The following NXPH1 variants were observed in gnomAD, a reference collection of about 807,000 sequenced individuals.
The protein encoded by NXPH1 is neurexophilin 1, also known as neurexophilin-1.
Under a neutral mutation model 23.7 loss-of-function variants are expected in NXPH1, and 5 were observed. That is an observed-to-expected ratio of 0.21 (90% CI 0.11 to 0.44). The LOEUF (loss-of-function observed/expected upper bound fraction) is 0.44. Ranked by LOEUF, NXPH1 falls within the 20% of genes least tolerant of loss-of-function variation. The probability of loss-of-function intolerance (pLI) is 0.99; values close to 1 mark genes in which losing one functional copy is unlikely to be tolerated. For missense variants in NXPH1, 324 were observed against 321.6 expected, an observed-to-expected ratio of 1.01 and a Z score of -0.06; for synonymous variants, 144 against 122.2, an observed-to-expected ratio of 1.18 and a Z score of -1.18.
At chr7:8,647,390 A>C (rs1261795222) in intron 2 of NXPH1, among the ~76,000 whole-genome samples, 1 of 152,202 alleles carries the variant, frequency 6.6e-6, no homozygotes, top group Non-Finnish European at 1.5e-5. Flanking sequence ...GCAGAGAGGC[A>C]GGCAGTCCTT....
intron 2 of NXPH1, among the ~76,000 whole-genome samples, chr7:8,667,981 T>A (rs1410967399): frequency 1.2e-5 from 1 of 80,898 alleles, no homozygotes; most frequent in African/African-American, 4.0e-5. Context: ...ATGTTCTCTA[T>A]TGTATTTTGT....
intron 2 of NXPH1, among the ~76,000 whole-genome samples, chr7:8,543,630 A>G (rs1307764305): frequency 6.6e-6 from 1 of 151,542 alleles, no homozygotes; most frequent in Non-Finnish European, 1.5e-5. Flanking sequence ...GGAAAAAACA[A>G]ATTTCTTTAA....
chr7:8,704,251 G>A (rs1276059516), intron 2 of NXPH1, among the ~76,000 whole-genome samples: 1 of 151,994 alleles, frequency 6.6e-6, no homozygotes, highest in Admixed American at 6.6e-5. Context: ...ATTCAATGAG[G>A]TTGAAATCCT....
At chr7:8,709,630 C>T (rs1396196212) in intron 2 of NXPH1, among the ~76,000 whole-genome samples, 4 of 152,106 alleles carry the variant, frequency 2.6e-5, no homozygotes, top group Non-Finnish European at 4.4e-5. Context: ...AGAATTTAAA[C>T]AAGGGTGGAA....
At chr7:8,482,679 C>T (rs1817094454) in intron 2 of NXPH1, among the ~76,000 whole-genome samples, 1 of 152,200 alleles carries the variant, frequency 6.6e-6, no homozygotes, top group Admixed American at 6.5e-5. Flanking sequence ...TGACTTCTTT[C>T]TGCTAAATCC....
At chr7:8,588,896 G>A (rs1230785864) in intron 2 of NXPH1, among the ~76,000 whole-genome samples, 3 of 151,990 alleles carry the variant, frequency 2.0e-5, no homozygotes, top group African/African-American at 7.3e-5. Context: ...AAGGAAATAA[G>A]GTTGATAAGT....
At chr7:8,710,427 G>A (rs908215346) in intron 2 of NXPH1, among the ~76,000 whole-genome samples, 3 of 152,084 alleles carry the variant, frequency 2.0e-5, no homozygotes, top group African/African-American at 7.2e-5. Flanking sequence ...TAATGTGCGA[G>A]GTTTGTTCTC....
chr7:8,485,637 T>G (rs1179967349), intron 2 of NXPH1, among the ~76,000 whole-genome samples: 1 of 152,222 alleles, frequency 6.6e-6, no homozygotes, highest in East Asian at 1.9e-4. Flanking sequence ...GTATAGTATT[T>G]TGCTTAAGTG....
At chr7:8,512,185 G>A (rs1466900619) in intron 2 of NXPH1, among the ~76,000 whole-genome samples, 1 of 152,106 alleles carries the variant, frequency 6.6e-6, no homozygotes, top group African/African-American at 2.4e-5. Flanking sequence ...AGAGAACTTA[G>A]CAATTTTGCC....
At chr7:8,653,868 T>G (rs1356331322) in intron 2 of NXPH1, among the ~76,000 whole-genome samples, 1 of 152,240 alleles carries the variant, frequency 6.6e-6, no homozygotes, top group African/African-American at 2.4e-5. Flanking sequence ...CATAGCTGAC[T>G]ATTTTCTCCT....
chr7:8,723,067 T>C (rs1779994893), intron 2 of NXPH1, among the ~76,000 whole-genome samples: 2 of 152,214 alleles, frequency 1.3e-5, no homozygotes, highest in African/African-American at 2.4e-5. Flanking sequence ...ATGAACACTT[T>C]TACAGCTCTA....
chr7:8,724,702 C>A (rs555711595), intron 2 of NXPH1, among the ~76,000 whole-genome samples: 1 of 152,184 alleles, frequency 6.6e-6, no homozygotes, highest in Non-Finnish European at 1.5e-5. Flanking sequence ...AGACTTGGCT[C>A]TTTTTGTTAC....
At chr7:8,649,158 A>G (rs1465574180) in intron 2 of NXPH1, among the ~76,000 whole-genome samples, 1 of 152,152 alleles carries the variant, frequency 6.6e-6, no homozygotes, top group South Asian at 2.1e-4. Flanking sequence ...TGAGTTTACA[A>G]AAAGATGAAA....
At chr7:8,481,520 T>A (rs992590254) in intron 2 of NXPH1, among the ~76,000 whole-genome samples, 1 of 152,216 alleles carries the variant, frequency 6.6e-6, no homozygotes, top group African/African-American at 2.4e-5. Context: ...CCTGTTTTCA[T>A]TGATCTTGGA....
intron 2 of NXPH1, among the ~76,000 whole-genome samples, chr7:8,446,289 A>G (rs1006374100): frequency 3.9e-5 from 6 of 152,138 alleles, no homozygotes; most frequent in African/African-American, 2.4e-5. Context: ...TCTTTTATGT[A>G]CTTGACGTGT....
chr7:8,629,167 G>A (rs1451597914), intron 2 of NXPH1, among the ~76,000 whole-genome samples: 2 of 151,912 alleles, frequency 1.3e-5, no homozygotes, highest in African/African-American at 4.8e-5. Flanking sequence ...AAAATTTTAT[G>A]GTCACAGAAA....
At chr7:8,641,533 C>A (rs566410772) in intron 2 of NXPH1, among the ~76,000 whole-genome samples, 2 of 152,264 alleles carry the variant, frequency 1.3e-5, no homozygotes, top group East Asian at 1.9e-4. Flanking sequence ...TTCCCACCCC[C>A]AGAGACAACA....
chr7:8,629,646 G>A (rs1244147755), intron 2 of NXPH1, among the ~76,000 whole-genome samples: 2 of 152,062 alleles, frequency 1.3e-5, no homozygotes, highest in Admixed American at 6.6e-5. Context: ...AGTATTGTCT[G>A]TAAAGTAGAG....
intron 2 of NXPH1, among the ~76,000 whole-genome samples, chr7:8,507,093 T>C (rs2128613371): frequency 6.6e-6 from 1 of 151,812 alleles, no homozygotes; most frequent in South Asian, 2.1e-4. Flanking sequence ...GACAATGGGC[T>C]AAGGTAGTTG....
Sources: allele counts gnomAD v4.1 joint callset (sites outside exome capture counted in the v4.1 genomes callset), GRCh38; gene constraint gnomAD v4.1.1; transcripts MANE v1.5; gene names NCBI Gene and HGNC (gene_info 2026-07-23, HGNC 2026-07-21).